Variants in KIAA2012 observed in about 807,000 individuals in gnomAD.
KIAA2012 encodes uncharacterized protein KIAA2012.
Under a neutral mutation model 150.6 loss-of-function variants are expected in KIAA2012, and 125 were observed. That is an observed-to-expected ratio of 0.83 (90% CI 0.72 to 0.96). The LOEUF (loss-of-function observed/expected upper bound fraction) is 0.96. KIAA2012 is among the 40% of genes least tolerant of loss of function. The pLI is 0.00. For missense variants in KIAA2012, 1,219 were observed against 1,354.9 expected, an observed-to-expected ratio of 0.90 and a Z score of 1.57; for synonymous variants, 462 against 504.7, an observed-to-expected ratio of 0.92 and a Z score of 1.13.
At chr2:202,110,772 C>T (rs1690326156) in intron 10 of KIAA2012, among the ~76,000 whole-genome samples, 1 of 151,776 alleles carries the variant, frequency 6.6e-6, no homozygotes, top group Admixed American at 6.6e-5. Flanking sequence ...GTCTCACTTG[C>T]TCTCTGTCTC....
chr2:202,175,380 T>C (rs571926933), intron 15 of KIAA2012, among the ~76,000 whole-genome samples: 4 of 152,314 alleles, frequency 2.6e-5, no homozygotes, highest in East Asian at 3.9e-4. Context: ...AAAATTCATA[T>C]AGAAAAGCCA....
At chr2:202,120,784 CA>C (rs1251856331) in intron 11 of KIAA2012, among the ~76,000 whole-genome samples, 1 of 152,062 alleles carries the variant, frequency 6.6e-6, no homozygotes, top group African/African-American at 2.4e-5. Flanking sequence ...CTCTGAATAT[CA>C]CAGAGAACAC....
chr2:202,145,093 A>C (rs1172738178), intron 13 of KIAA2012, among the ~76,000 whole-genome samples: 2 of 152,036 alleles, frequency 1.3e-5, no homozygotes, highest in African/African-American at 4.8e-5. Flanking sequence ...GACAAGTAAG[A>C]TTGGTCTCCA....
chr2:202,115,193 T>C (rs1690484083), intron 11 of KIAA2012: 1 of 152,216 alleles, frequency 6.6e-6, no homozygotes, highest in Admixed American at 6.5e-5. Flanking sequence ...GCAAAAGTAA[T>C]TGCGGTTTTG....
Position 202,073,728 on chromosome 2 carries a change from A to C in KIAA2012, c.84+17A>C. 1 of 1,547,834 alleles carries C rather than the reference A, an allele frequency of 6.5e-7. No homozygotes were observed. Among genetic ancestry groups the C allele is most frequent in the East Asian group, 2.4e-5 (1 of 40,880 alleles). ...GAACCAGAGGTGAGTCCCACAGCTG[A>C]AGAAAGGCACATTTTGGAGGTGGGA... On this transcript the variant is annotated intron_variant, in intron 1 of 23. Transcript: ENST00000498697.
intron 14 of KIAA2012, among the ~76,000 whole-genome samples, chr2:202,159,982 C>A (rs536326242): frequency 6.6e-5 from 10 of 152,326 alleles, no homozygotes; most frequent in African/African-American, 2.4e-4. Flanking sequence ...ATTCACTGAT[C>A]CCTGCTAAGG....
intron 10 of KIAA2012, among the ~76,000 whole-genome samples, chr2:202,112,224 G>A (rs1191652364): frequency 6.6e-6 from 1 of 152,074 alleles, no homozygotes; most frequent in African/African-American, 2.4e-5. Flanking sequence ...ACAACCTCCA[G>A]GAAAGGGGAG....
intron 15 of KIAA2012, chr2:202,178,743 C>T (rs1692050121): frequency 6.2e-6 from 1 of 162,370 alleles, no homozygotes; most frequent in African/African-American, 2.4e-5. Context: ...CAAGGTGCAG[C>T]CCCAGTCAAC....
At chr2:202,106,970 T>C (rs1288057801) in intron 9 of KIAA2012, among the ~76,000 whole-genome samples, 1 of 152,226 alleles carries the variant, frequency 6.6e-6, no homozygotes, top group Non-Finnish European at 1.5e-5. Flanking sequence ...ATTAATGTGT[T>C]TGGAGTTCTT....
chr2:202,178,407 T>G (rs982911487), intron 15 of KIAA2012, among the ~76,000 whole-genome samples: 1 of 152,130 alleles, frequency 6.6e-6, no homozygotes, highest in Non-Finnish European at 1.5e-5. Flanking sequence ...AATATCAGGT[T>G]ATTTTACTAA....
chr2:202,098,098 G>A (rs1188955142), intron 5 of KIAA2012, among the ~76,000 whole-genome samples: 1 of 152,192 alleles, frequency 6.6e-6, no homozygotes, highest in African/African-American at 2.4e-5. Context: ...GGTGGCTCAC[G>A]CCTGTAATCC....
chr2:202,102,829 T>C (rs1449752215), intron 7 of KIAA2012, 117 bp from the exon 8 acceptor site: 1 of 1,003,758 alleles, frequency 1.0e-6, no homozygotes, highest in Non-Finnish European at 1.4e-6. Context: ...TGGATTAGCT[T>C]ACCTCTCTCA....
chr2:202,156,329 T>A (rs995134365), intron 14 of KIAA2012, among the ~76,000 whole-genome samples: 3 of 152,240 alleles, frequency 2.0e-5, no homozygotes, highest in African/African-American at 7.2e-5. Context: ...ATCCCTTTTA[T>A]TCTTAGCAAC....
chr2:202,106,433 C>A (rs1337458382), intron 9 of KIAA2012, among the ~76,000 whole-genome samples: 1 of 152,092 alleles, frequency 6.6e-6, no homozygotes, highest in Non-Finnish European at 1.5e-5. Flanking sequence ...TGCCTATAAT[C>A]CCAGCACTTT....
chr2:202,074,370 A>G (rs918062811), intron 1 of KIAA2012, among the ~76,000 whole-genome samples: 2 of 152,184 alleles, frequency 1.3e-5, no homozygotes, highest in African/African-American at 4.8e-5. Context: ...AAGGACCTGT[A>G]TGGCCAATGG....
chr2:202,094,410 G>A (rs1328874665), intron 4 of KIAA2012, among the ~76,000 whole-genome samples: 1 of 152,220 alleles, frequency 6.6e-6, no homozygotes, highest in Non-Finnish European at 1.5e-5. Context: ...AGTGAACATG[G>A]CAGGTTCTCA....
intron 15 of KIAA2012, among the ~76,000 whole-genome samples, chr2:202,179,101 T>C (rs1330747516): frequency 1.3e-5 from 2 of 152,248 alleles, no homozygotes; most frequent in Non-Finnish European, 2.9e-5. Flanking sequence ...AGAGTCTTCC[T>C]TTCAAAAACA....
rs1291336654 is a variant in KIAA2012 at position 202,093,065 on chromosome 2, CAACTT to C, written c.568_572del (p.Leu190CysfsTer36). ...GGATTCTGTGCTACTCCAGGACAGT[CAACTT>C]AATGTACCAAAGAAGCTCAGGCCAC... On this transcript the variant is annotated frameshift_variant, in exon 4 of 24. Coordinates refer to ENST00000498697, the MANE Select transcript of KIAA2012 (RefSeq NM_001277372.4). LOFTEE classifies it high-confidence loss of function. 1.3e-6 allele frequency: 2 copies of C among 1,550,638 alleles called. No individual in the cohort carries two copies. Among genetic ancestry groups the C allele is most frequent in the Non-Finnish European group, 1.7e-6 (2 of 1,146,950 alleles).
chr2:202,171,512 C>T lies in KIAA2012; in HGVS notation c.2119+6156C>T, dbSNP rs541159222. 1.1e-4 allele frequency among the ~76,000 whole-genome samples: 16 copies of T among 152,318 alleles called. No homozygotes were observed. The South Asian group carries it at 3.3e-3, about 32-fold the overall frequency. ...TCCCGGCCTTACAAAAGGAGCTCCT[C>T]GCTGGTGAGCTCAAGACCCCAGGCG... On this transcript the variant is annotated intron_variant, in intron 15 of 23. Transcript: ENST00000498697.
Sources: gnomAD v4.1 joint callset for allele counts (sites outside exome capture counted in the v4.1 genomes callset) on GRCh38, gnomAD v4.1.1 for gene constraint, MANE v1.5 for transcripts, NCBI Gene and HGNC (gene_info 2026-07-23, HGNC 2026-07-21) for gene names.